TSPAN18: variants seen among roughly 807,000 people sequenced by gnomAD.
The protein encoded by TSPAN18 is tetraspanin 18.
A neutral mutation model predicts 27.3 loss-of-function variants in TSPAN18; 14 were observed. That is an observed-to-expected ratio of 0.51 (90% CI 0.34 to 0.80). The LOEUF (loss-of-function observed/expected upper bound fraction) is 0.80, where lower values mean the gene tolerates loss of function less well. Ranked by LOEUF, TSPAN18 falls within the 30% of genes least tolerant of loss-of-function variation. TSPAN18 has a pLI of 0.01. For synonymous variants in TSPAN18, 143 were observed against 136.5 expected, an observed-to-expected ratio of 1.05 and a Z score of -0.33; for missense variants, 268 against 323.9, an observed-to-expected ratio of 0.83 and a Z score of 1.32.
At chr11:44,839,052 T>C (rs1857316706) in intron 2 of TSPAN18, among the ~76,000 whole-genome samples, 1 of 152,144 alleles carries the variant, frequency 6.6e-6, no homozygotes, top group Non-Finnish European at 1.5e-5. Context: ...CCTTATCCAA[T>C]CCGTTGGAAG....
At chr11:44,912,490 C>T (rs1275228783) in intron 5 of TSPAN18, among the ~76,000 whole-genome samples, 2 of 152,068 alleles carry the variant, frequency 1.3e-5, no homozygotes, top group East Asian at 1.9e-4. Flanking sequence ...AGGCAAAGGA[C>T]GCTTGGATCA....
At chr11:44,740,343 C>A (rs1315302611) in intron 1 of TSPAN18, among the ~76,000 whole-genome samples, 2 of 152,152 alleles carry the variant, frequency 1.3e-5, no homozygotes, top group Non-Finnish European at 2.9e-5. Context: ...GTTGGCAGAT[C>A]AAAGGGCTTT....
Position 44,919,889 on chromosome 11 carries a change from A to G in TSPAN18, c.505A>G (p.Ser169Gly), listed in dbSNP as rs1199103457. ...ASVFRLLTLDSEEVPEACCRR... is the reference protein window; with the variant it reads ...ASVFRLLTLDGEEVPEACCRR... ...TGTGTTTCGACTCCTGACCCTGGAT[A>G]GTGAAGAGGTGCCGGAGGCCTGCTG... The change falls in exon 8 of 10, where the codon AGT (serine) becomes GGT (glycine). Residue 169 changes from serine to glycine, a missense_variant. By Grantham distance (56) the Ser-to-Gly change is moderately conservative. Coordinates refer to ENST00000520358, the MANE Select transcript of TSPAN18 (RefSeq NM_130783.5). The G allele has an allele frequency of 1.9e-6, 3 of 1,614,218 alleles. No homozygotes were observed. Among genetic ancestry groups the G allele is most frequent in the Middle Eastern group, 1.6e-4 (1 of 6,062 alleles).
At chr11:44,814,556 T>A (rs1241619561) in intron 2 of TSPAN18, among the ~76,000 whole-genome samples, 1 of 152,218 alleles carries the variant, frequency 6.6e-6, no homozygotes, top group Non-Finnish European at 1.5e-5. Flanking sequence ...AGCAACACTT[T>A]GTGTCTGTGC....
chr11:44,729,616 A>G (rs1414436213), intron 1 of TSPAN18, among the ~76,000 whole-genome samples: 2 of 152,118 alleles, frequency 1.3e-5, no homozygotes, highest in African/African-American at 4.8e-5. Flanking sequence ...AACAGCCAGT[A>G]TATGTGGTGC....
intron 8 of TSPAN18, among the ~76,000 whole-genome samples, chr11:44,923,808 G>A (rs529467134): frequency 6.6e-6 from 1 of 152,292 alleles, no homozygotes; most frequent in Non-Finnish European, 1.5e-5. Context: ...CAGAGTGGGT[G>A]GTGGCATCCT....
intron 2 of TSPAN18, among the ~76,000 whole-genome samples, chr11:44,855,046 G>A (rs995087205): frequency 3.3e-5 from 5 of 152,148 alleles, no homozygotes; most frequent in African/African-American, 1.2e-4. Flanking sequence ...CAGAGAAATT[G>A]CAGATTCCTT....
At chr11:44,894,425 T>G (rs1264363663) in intron 3 of TSPAN18, among the ~76,000 whole-genome samples, 1 of 152,166 alleles carries the variant, frequency 6.6e-6, no homozygotes, top group Non-Finnish European at 1.5e-5. Context: ...CCATCTCTCT[T>G]GTCCGGCCGC....
chr11:44,743,006 T>C (rs76859652), intron 1 of TSPAN18, among the ~76,000 whole-genome samples: 4,088 of 152,316 alleles, frequency 0.027, 70 homozygotes, highest in Non-Finnish European at 0.044. Flanking sequence ...GGCTGAATTA[T>C]GCATCAATAC....
chr11:44,796,617 T>C (rs1201818972), intron 2 of TSPAN18, among the ~76,000 whole-genome samples: 1 of 152,142 alleles, frequency 6.6e-6, no homozygotes, highest in East Asian at 1.9e-4. Flanking sequence ...TGTTGGTGAC[T>C]ACAGGTCTCC....
intron 2 of TSPAN18, among the ~76,000 whole-genome samples, chr11:44,800,807 C>T (rs574802983): frequency 6.6e-6 from 1 of 152,286 alleles, no homozygotes; most frequent in East Asian, 1.9e-4. Context: ...GGTCATAAAT[C>T]GGGCTAATTG....
chr11:44,751,475 A>G (rs867118497), intron 1 of TSPAN18, among the ~76,000 whole-genome samples: 2 of 152,128 alleles, frequency 1.3e-5, no homozygotes, highest in South Asian at 2.1e-4. Flanking sequence ...GTGAGGTCCT[A>G]ATGTGACAAT....
At position 44,742,408 on chromosome 11, in the gene TSPAN18, CCCTT is replaced by C. The variant is rs1329139732; in HGVS notation, c.-240+15129_-240+15132del. ...TTTTTCTTTTCTTCGTTCCTTCCCT[CCCTT>C]CCTTCCTCCCTCCCTTGCATTGTGT... On this transcript the variant is annotated intron_variant, in intron 1 of 9. Coordinates refer to ENST00000520358, the MANE Select transcript of TSPAN18 (RefSeq NM_130783.5). Among the ~76,000 whole-genome samples the C allele has an allele frequency of 2.0e-5, 3 of 150,708 alleles. No homozygotes were observed. In the East Asian group the frequency reaches 5.9e-4, roughly 30 times the overall value.
chr11:44,754,275 G>A (rs142088332), intron 1 of TSPAN18, among the ~76,000 whole-genome samples: 228 of 152,290 alleles, frequency 1.5e-3, no homozygotes, highest in African/African-American at 5.2e-3. Flanking sequence ...TGAATTAATA[G>A]CCCCAGTTGC....
intron 2 of TSPAN18, among the ~76,000 whole-genome samples, chr11:44,853,601 T>G (rs182272809): frequency 2.0e-5 from 3 of 152,302 alleles, no homozygotes; most frequent in Non-Finnish European, 4.4e-5. Context: ...ACAGTTACCT[T>G]GACAGAGATT....
chr11:44,765,823 A>G (rs1391479903), intron 2 of TSPAN18, among the ~76,000 whole-genome samples: 1 of 152,116 alleles, frequency 6.6e-6, no homozygotes, highest in African/African-American at 2.4e-5. Context: ...TCCTTGTCCT[A>G]TACTTTGTTT....
chr11:44,823,861 G>A (rs559172811), intron 2 of TSPAN18, among the ~76,000 whole-genome samples: 248 of 152,262 alleles, frequency 1.6e-3, no homozygotes, highest in African/African-American at 5.4e-3. Context: ...CATTTGAGTC[G>A]AGTAGCTGGT....
intron 2 of TSPAN18, among the ~76,000 whole-genome samples, chr11:44,774,271 A>G (rs2134926196): frequency 6.6e-6 from 1 of 152,310 alleles, no homozygotes; most frequent in East Asian, 1.9e-4. Flanking sequence ...CCACGGGAGA[A>G]GGAGGGGGCA....
At position 44,808,518 on chromosome 11, in the gene TSPAN18, G is replaced by A. The variant is rs147896164; in HGVS notation, c.-153+44006G>A. On this transcript the variant is annotated intron_variant, in intron 2 of 9. Transcript: ENST00000520358. ...GAGTGGGAACATGGGATCATCACCT[G>A]ATCTGTGGCTCTCACTTTTCTCTGC... Among the ~76,000 whole-genome samples the A allele has an allele frequency of 4.4e-3, 664 of 152,296 alleles. 7 individuals carry two copies. The highest frequency in any genetic ancestry group is 0.015 in the African/African-American group (607 of 41,548).
Sources: allele counts gnomAD v4.1 joint callset (sites outside exome capture counted in the v4.1 genomes callset), GRCh38; gene constraint gnomAD v4.1.1; transcripts MANE v1.5; gene names NCBI Gene and HGNC (gene_info 2026-07-23, HGNC 2026-07-21).